The following MAP3K21 variants were observed in gnomAD, a reference collection of about 807,000 sequenced individuals.
MAP3K21 encodes mitogen-activated protein kinase kinase kinase 21.
Under a neutral mutation model 86.1 loss-of-function variants are expected in MAP3K21, and 63 were observed. That is an observed-to-expected ratio of 0.73 (90% confidence interval 0.60 to 0.90). The LOEUF is 0.90. MAP3K21 is among the 40% of genes least tolerant of loss of function. The probability of loss-of-function intolerance (pLI) is 0.00; values close to 1 mark genes in which losing one functional copy is unlikely to be tolerated. For missense variants in MAP3K21, 1,220 were observed against 1,367.7 expected (o/e 0.89, Z 1.70); for synonymous variants, 558 against 564.8 (o/e 0.99, Z 0.17).
rs780059428 is a variant in MAP3K21, at chr1:233,362,271, A to G, written c.1530A>G (p.Gly510=). ...GAAGTCGTTTAAAGCTCAAAGATGG[A>G]CATCGAATCAGTTTACCTTCAGGTA... ...FKRSRLKLKD[G]HRISLPSDFQ... Residue 510 remains glycine (G), a synonymous_variant, in exon 5 of 10, where the codon GGA becomes GGG. Transcript: ENST00000366624. 1.8e-5 allele frequency: 29 copies of G among 1,614,088 alleles called. No individual in the cohort carries two copies. The highest frequency in any genetic ancestry group is 2.7e-5 in the African/African-American group (2 of 74,944).
chr1:233,337,286 A>T (rs1572238916), intron 1 of MAP3K21, among the ~76,000 whole-genome samples: 1 of 152,366 alleles, frequency 6.6e-6, no homozygotes, highest in East Asian at 1.9e-4. Context: ...CAAAAGTGGC[A>T]TTGTGCTGGA....
intron 4 of MAP3K21, among the ~76,000 whole-genome samples, chr1:233,357,050 C>T (rs1663372676): frequency 1.3e-5 from 2 of 152,230 alleles, no homozygotes; most frequent in Admixed American, 1.3e-4. Flanking sequence ...GCAGGTGGAT[C>T]ACCTGAGGTC....
intron 6 of MAP3K21, among the ~76,000 whole-genome samples, chr1:233,374,635 C>T (rs576469885): frequency 6.8e-4 from 104 of 152,116 alleles, no homozygotes; most frequent in Non-Finnish European, 1.1e-3. Context: ...ACATAGCAAT[C>T]CTCTCTATTA....
At chr1:233,378,653 G>T (rs1373574798) in intron 8 of MAP3K21, among the ~76,000 whole-genome samples, 1 of 152,164 alleles carries the variant, frequency 6.6e-6, no homozygotes, top group Non-Finnish European at 1.5e-5. Flanking sequence ...CTACAATAGT[G>T]TCTATTATTG....
At chr1:233,339,196 T>G (rs566815316) in intron 1 of MAP3K21, among the ~76,000 whole-genome samples, 33 of 12,986 alleles carry the variant, frequency 2.5e-3, no homozygotes, top group Non-Finnish European at 1.6e-3. Flanking sequence ...AAACAATCAT[T>G]TCTTCTTCTT....
intron 1 of MAP3K21, among the ~76,000 whole-genome samples, chr1:233,338,311 CTTG>C (rs1662954462): frequency 6.6e-6 from 1 of 152,160 alleles, no homozygotes; most frequent in Non-Finnish European, 1.5e-5. Context: ...ACAACAGTTA[CTTG>C]TTGATCATAT....
intron 1 of MAP3K21, among the ~76,000 whole-genome samples, chr1:233,331,500 C>T (rs1662808640): frequency 6.6e-6 from 1 of 152,122 alleles, no homozygotes; most frequent in African/African-American, 2.4e-5. Context: ...CTTGTTTAGA[C>T]TTTTAAGTAT....
In MAP3K21 at chr1:233,379,188, G is replaced by A. The variant is rs3795375; in HGVS notation, c.2182G>A (p.Val728Ile). The A allele has an allele frequency of 0.2, 320,994 of 1,613,848 alleles. 34,143 individuals are homozygous for A. The highest frequency in any genetic ancestry group is 0.34 in the Admixed American group (20,281 of 60,002). ...GGAGTCAGCTCTGTATGGGTGCACCGTCCTTCTGGCATCGGTGGCTCTGGG... is the reference window on the plus strand; with the variant it reads ...GGAGTCAGCTCTGTATGGGTGCACCATCCTTCTGGCATCGGTGGCTCTGGG... The part of the protein sequence containing the change: ...KTESALYGCT[V>I]LLASVALGLD... The change falls in exon 9 of 10, where the codon GTC (valine) becomes ATC (isoleucine). Residue 728 changes from valine to isoleucine, a missense_variant. This residue lies in a region of MAP3K21 where 632 missense variants were observed against 691.3 expected (regional missense o/e 0.91). Transcript: ENST00000366624.
In MAP3K21 at chr1:233,376,426, G is replaced by A. The variant is rs1452717680; in HGVS notation, c.1827-4G>A. 3 of 1,601,006 alleles carry A rather than the reference G, an allele frequency of 1.9e-6. No individual in the cohort carries two copies. The highest frequency in any genetic ancestry group is 1.7e-5 in the Admixed American group (1 of 59,622). On this transcript the variant is annotated splice_polypyrimidine_tract_variant and splice_region_variant and intron_variant, in intron 7 of 9. Coordinates refer to ENST00000366624, the MANE Select transcript of MAP3K21 (RefSeq NM_032435.3). ...TTATGAAAAGAAACATTTTTCTCTT[G>A]TAGGATAAGACCTCTCTCCGATGGC...
At position 233,328,383 on chromosome 1, in the gene MAP3K21, G is replaced by A; in HGVS notation, c.355G>A (p.Val119Ile). Reference sequence around the variant, plus strand: ...CTCGCGGCCCAGCTCCCCGGTACACGTCGCCTTCGAGCGGCTGGAGCTGAA... The same window carrying A: ...CTCGCGGCCCAGCTCCCCGGTACACATCGCCTTCGAGCGGCTGGAGCTGAA... ...PPSRPSSPVH[V>I]AFERLELKEL... Residue 119 changes from valine (V) to isoleucine (I), a missense_variant, in exon 1 of 10, where the codon GTC (valine) becomes ATC (isoleucine). Val to Ile is a conservative substitution (Grantham distance 29). This residue lies in a region of MAP3K21 where 369 missense variants were observed against 385.3 expected (regional missense o/e 0.96). Transcript: ENST00000366624. The surrounding 1 kb of genome is among the most constrained non-coding windows in gnomAD (Gnocchi z 8.7). 3.4e-6 allele frequency: 5 copies of A among 1,485,494 alleles called. No individual in the cohort carries two copies. The highest frequency in any genetic ancestry group is 4.4e-6 in the Non-Finnish European group (5 of 1,125,518). The allele number at this position is 1,485,494 out of a possible 1,614,324, so 92.0% of individuals were successfully genotyped here. A position where few individuals can be genotyped will look rare whatever the true frequency, so the allele number is the denominator to read the frequency against.
rs1662762642 is a variant in MAP3K21, at chr1:233,328,991, CCTTGGTTA to C, written c.805+163_805+170del. Among the ~76,000 whole-genome samples, 1 of 152,160 alleles carries C rather than the reference CCTTGGTTA, an allele frequency of 6.6e-6. No homozygotes were observed. The highest frequency in any genetic ancestry group is 1.5e-5 in the Non-Finnish European group (1 of 68,024). The stretch of plus-strand genomic sequence containing the variant: ...TTCAGGGCTCGGAAGTCCAGCTAGT[CCTTGGTTA>C]CTTGCTTTGGGGCTGGTGACACGCT... On this transcript the variant is annotated intron_variant, in intron 1 of 9. Transcript: ENST00000366624. This position sits in a 1 kb window ranked among gnomAD's most constrained non-coding sequence, Gnocchi z 8.7.
At position 233,372,206 on chromosome 1, in the gene MAP3K21, C is replaced by T; in HGVS notation, c.1675+46C>T. The T allele has an allele frequency of 1.9e-6, 3 of 1,604,840 alleles. 1 individual carries two copies. Among genetic ancestry groups the T allele is most frequent in the South Asian group, 2.2e-5 (2 of 90,000 alleles). ...CGGGGGCTCCTGTGTTGACTTCTCT[C>T]CTTTCACTTGACTTGGATTCAAATT... is the stretch of plus-strand genomic sequence containing the variant. On this transcript the variant is annotated intron_variant, in intron 6 of 9. Transcript: ENST00000366624.
rs1662979857 is a variant in MAP3K21, at chr1:233,339,280, T to TTCTTCTTCC, written c.806-7154_806-7153insCTCTTCTTC. 1.4e-4 allele frequency among the ~76,000 whole-genome samples: 7 copies of TTCTTCTTCC among 50,442 alleles called. 2 individuals carry two copies. Among genetic ancestry groups the TTCTTCTTCC allele is most frequent in the Admixed American group, 4.4e-4 (2 of 4,534 alleles). The allele number at this position is 50,442 out of a possible 152,430, so 33.1% of individuals were successfully genotyped here. A position where few individuals can be genotyped will look rare whatever the true frequency, so the allele number is the denominator to read the frequency against. ...CTTCTTCTTCTTCCTCTTCTTCTTC[T>TTCTTCTTCC]TCTTCTTCTTCCTCTTCTTCTTCCT... is the stretch of plus-strand genomic sequence containing the variant. On this transcript the variant is annotated intron_variant, in intron 1 of 9. Coordinates refer to ENST00000366624, the MANE Select transcript of MAP3K21 (RefSeq NM_032435.3).
intron 4 of MAP3K21, among the ~76,000 whole-genome samples, chr1:233,361,511 C>T (rs2102758356): frequency 6.6e-6 from 1 of 152,292 alleles, no homozygotes; most frequent in South Asian, 2.1e-4. Context: ...CTTACTCTCT[C>T]CACCAAGATG....
chr1:233,328,243 C>T lies in MAP3K21; in HGVS notation c.215C>T (p.Ala72Val), dbSNP rs754700942. 5 of 1,490,464 alleles carry T rather than the reference C, an allele frequency of 3.4e-6. No homozygotes were observed. The highest frequency in any genetic ancestry group is 2.9e-5 in the African/African-American group (2 of 68,632). 92.3% of individuals were successfully genotyped at this position (1,490,464 alleles called of 1,614,324 possible). ...GQLVEVLSQDAAVSGDEGWWA... is the reference protein window; with the variant it reads ...GQLVEVLSQDVAVSGDEGWWA... ...CTGGTGGAGGTGCTGTCGCAGGACGCCGCCGTGTCGGGCGACGAGGGCTGG... is the reference window on the plus strand; with the variant it reads ...CTGGTGGAGGTGCTGTCGCAGGACGTCGCCGTGTCGGGCGACGAGGGCTGG... Residue 72 changes from alanine (A) to valine (V), a missense_variant, in exon 1 of 10, where the codon GCC becomes GTC. Physicochemically the swap from Ala to Val is moderately conservative, Grantham distance 64. Around this residue, in one of 5 missense-constraint regions of MAP3K21, gnomAD observed 369 missense variants for 385.3 expected, o/e 0.96. Coordinates refer to ENST00000366624, the MANE Select transcript of MAP3K21 (RefSeq NM_032435.3). The surrounding 1 kb of genome is among the most constrained non-coding windows in gnomAD (Gnocchi z 8.7).
chr1:233,377,996 A>G (rs1375672326), intron 8 of MAP3K21, among the ~76,000 whole-genome samples: 1 of 152,158 alleles, frequency 6.6e-6, no homozygotes, highest in African/African-American at 2.4e-5. Flanking sequence ...TAATGTGAGC[A>G]ATGGGCACTG....
intron 5 of MAP3K21, among the ~76,000 whole-genome samples, chr1:233,365,251 G>GTT (rs1395405629): frequency 4.6e-5 from 7 of 152,022 alleles, no homozygotes; most frequent in African/African-American, 1.7e-4. Flanking sequence ...AAAAGCTCAG[G>GTT]CAACAAAAAA....
At chr1:233,357,098 C>T (rs1663373528) in intron 4 of MAP3K21, among the ~76,000 whole-genome samples, 1 of 152,172 alleles carries the variant, frequency 6.6e-6, no homozygotes, top group African/African-American at 2.4e-5. Context: ...TCAACTTCTT[C>T]TAAAGACATT....
rs1383652012 is a variant in MAP3K21 at position 233,382,917 on chromosome 1, A to G, written c.*206A>G. 3.9e-6 allele frequency: 2 copies of G among 513,906 alleles called. No homozygotes were observed. Among genetic ancestry groups the G allele is most frequent in the Non-Finnish European group, 6.9e-6 (2 of 287,848 alleles). The allele number at this position is 513,906 out of a possible 1,614,324, so 31.8% of individuals were successfully genotyped here. On this transcript the variant is annotated 3_prime_UTR_variant, in exon 10 of 10. Transcript: ENST00000366624. ...TTTTCCTCTGGATTCTTTTCTTATAACTTGGAATACACAAAAGTGTAAAAC... is the reference window on the plus strand; with the variant it reads ...TTTTCCTCTGGATTCTTTTCTTATAGCTTGGAATACACAAAAGTGTAAAAC...
Sources: allele counts gnomAD v4.1 joint callset (sites outside exome capture counted in the v4.1 genomes callset), GRCh38; gene constraint gnomAD v4.1.1; regional missense constraint gnomAD v4.1.1; non-coding constraint Gnocchi (gnomAD v3.1); transcripts MANE v1.5; gene names NCBI Gene and HGNC (gene_info 2026-07-23, HGNC 2026-07-21).